PARP10: variants seen among roughly 807,000 people sequenced by gnomAD.
PARP10 encodes poly(ADP-ribose) polymerase family member 10, also known as protein mono-ADP-ribosyltransferase PARP10.
A neutral mutation model predicts 82.4 loss-of-function variants in PARP10; 56 were observed. The observed-to-expected ratio is 0.68, with a 90% CI of 0.55 to 0.85. PARP10 has a LOEUF of 0.85. Among genes scored for constraint, PARP10 ranks in the 40% least tolerant of loss-of-function variants. The pLI is 0.00. For synonymous variants in PARP10, 576 were observed against 601.1 expected, an observed-to-expected ratio of 0.96 and a Z score of 0.61; for missense variants, 1,227 against 1,379.4, an observed-to-expected ratio of 0.89 and a Z score of 1.75.
chr8:144,010,223 T>C (rs926325942), intron 1 of PARP10, among the ~76,000 whole-genome samples: 6 of 152,208 alleles, frequency 3.9e-5, no homozygotes, highest in Admixed American at 1.3e-4. Context: ...TCAGCATTTA[T>C]ATATGATCAT....
At chr8:143,994,521 A>C (rs999116926), upstream of PARP10, among the ~76,000 whole-genome samples, 1 of 152,176 alleles carries the variant, frequency 6.6e-6, no homozygotes, top group Admixed American at 6.5e-5. Context: ...GGGCCCTGCC[A>C]TCTGCCCACT....
chr8:143,999,930 T>C (rs1554751582), intron 1 of PARP10, among the ~76,000 whole-genome samples: 1 of 151,634 alleles, frequency 6.6e-6, no homozygotes, highest in African/African-American at 2.4e-5. Context: ...ATGTGGGGAG[T>C]AGGGTCACAA....
chr8:143,997,746 CA>C (rs1273321207), intron 1 of PARP10, among the ~76,000 whole-genome samples: 1 of 151,908 alleles, frequency 6.6e-6, no homozygotes, highest in Non-Finnish European at 1.5e-5. Flanking sequence ...CTGAAGCAAC[CA>C]ACTCCCACTC....
At chr8:144,005,840 ACCAGACAG>A (rs1834232580) in intron 1 of PARP10, among the ~76,000 whole-genome samples, 1 of 151,798 alleles carries the variant, frequency 6.6e-6, no homozygotes, top group South Asian at 2.1e-4. Context: ...ACCACTCCAT[ACCAGACAG>A]CCCCCTCCGC....
At chr8:143,979,966 C>T (rs564772211) in intron 9 of PARP10, among the ~76,000 whole-genome samples, 2 of 121,874 alleles carry the variant, frequency 1.6e-5, no homozygotes, top group African/African-American at 6.4e-5. Context: ...GAGCCGACAT[C>T]GTGCCACTGC....
At chr8:143,979,359 C>T (rs369216353) in intron 9 of PARP10, among the ~76,000 whole-genome samples, 15 of 152,198 alleles carry the variant, frequency 9.9e-5, no homozygotes, top group Non-Finnish European at 1.5e-4. Context: ...CTCTCATTAC[C>T]GACACCAGAT....
chr8:143,983,633 C>T lies in PARP10; in HGVS notation c.1956G>A (p.Glu652=). 6.2e-7 allele frequency: 1 copy of T among 1,605,872 alleles called. No individual in the cohort carries two copies. The highest frequency in any genetic ancestry group is 8.5e-7 in the Non-Finnish European group (1 of 1,176,196). ...GGAGGGCCAGCTGCAGAGCGGCCTC[C>T]TCCTCCAGCCACCTGGGTGCCACAG... ...PSTVAPRWLE[E]EAALQLALHR... is the part of the protein sequence containing the mutation. The change falls in exon 8 of 11, where the codon GAG becomes GAA. Residue 652 remains glutamate, a synonymous_variant. Transcript: ENST00000313028.
At chr8:144,010,532 CT>C (rs1834268808) in intron 1 of PARP10, among the ~76,000 whole-genome samples, 1 of 152,198 alleles carries the variant, frequency 6.6e-6, no homozygotes, top group Non-Finnish European at 1.5e-5. Context: ...ATGCTACAAT[CT>C]TCAGGCAGAA....
Position 143,985,121 on chromosome 8 carries a change from G to T in PARP10, c.881C>A (p.Thr294Lys). ...VTALQGAGTV[T>K]MGSGEEPGQS... is the part of the protein sequence containing the mutation. The stretch of plus-strand genomic sequence containing the variant: ...CCCTGGTTCCTCGCCAGAGCCCATT[G>T]TCACAGTCCCTGCACCCTGCAGAGC... The change falls in exon 5 of 11, where the codon ACA becomes AAA. Residue 294 changes from threonine to lysine, a missense_variant. Thr to Lys is a moderately conservative substitution (Grantham distance 78, BLOSUM62 -1). Coordinates refer to ENST00000313028, the MANE Select transcript of PARP10 (RefSeq NM_032789.5). 1.2e-6 allele frequency: 2 copies of T among 1,614,026 alleles called. No individual in the cohort carries two copies. The highest frequency in any genetic ancestry group is 1.7e-6 in the Non-Finnish European group (2 of 1,180,000).
At position 143,977,511 on chromosome 8, in the gene PARP10, C is replaced by T. The variant is rs782088037; in HGVS notation, c.3051G>A (p.Gly1017=). ...AAGTGTCTGGGGAGCGGCCCGGGAG[C>T]CCAGAGGGGTCGTCGGGGGAAGCGC... The part of the protein sequence containing the change: ...VPRASPDDPS[G]LPGRSPDT Residue 1017 remains glycine (G), a synonymous_variant, in exon 11 of 11, where the codon GGG becomes GGA. Transcript: ENST00000313028. 14 of 1,555,784 alleles carry T rather than the reference C, an allele frequency of 9.0e-6. No individual in the cohort carries two copies. In the East Asian group the frequency reaches 1.2e-4, roughly 13 times the overall value.
chr8:143,989,190 G>T (rs1337932096), upstream of PARP10, among the ~76,000 whole-genome samples: 8 of 152,244 alleles, frequency 5.3e-5, no homozygotes, highest in African/African-American at 1.9e-4. The surrounding 1 kb of genome is among the most constrained non-coding windows in gnomAD (Gnocchi z 4.3). Context: ...TGGGGTCTGG[G>T]CCCCGGGTGG....
chr8:143,983,009 TG>T lies in PARP10; in HGVS notation c.2478del (p.Asn826LysfsTer124). Reference protein sequence around the residue: ...PWNNLERLAENTGEFQEVVRA... With the variant: ...PWNNLERLAEXTGEFQEVVRA... ...CGCACCACCTCCTGGAACTCCCCGG[TG>T]TTCTCTGCCAGACGCTCCAGGTTGT... On this transcript the variant is annotated frameshift_variant, in exon 9 of 11. Coordinates refer to ENST00000313028, the MANE Select transcript of PARP10 (RefSeq NM_032789.5). LOFTEE classifies it high-confidence loss of function. 1 of 1,613,870 alleles carries T rather than the reference TG, an allele frequency of 6.2e-7. No individual in the cohort carries two copies. Among genetic ancestry groups the T allele is most frequent in the South Asian group, 1.1e-5 (1 of 91,086 alleles).
At chr8:143,993,043 G>A (rs1834127473), upstream of PARP10, 1 of 574,152 alleles carries the variant, frequency 1.7e-6, no homozygotes. Flanking sequence ...GGCCCCTTTA[G>A]TCCTCCCGCC....
At chr8:143,982,127 G>A (rs1833877574) in intron 9 of PARP10, among the ~76,000 whole-genome samples, 1 of 152,098 alleles carries the variant, frequency 6.6e-6, no homozygotes, top group South Asian at 2.1e-4. Flanking sequence ...CCTGGTGGAG[G>A]GTGATGCTGC....
Position 143,985,464 on chromosome 8 carries a change from C to A in PARP10, c.621G>T (p.Leu207=), listed in dbSNP as rs1554749073. 6.2e-7 allele frequency: 1 copy of A among 1,612,928 alleles called. No individual in the cohort carries two copies. Among genetic ancestry groups the A allele is most frequent in the East Asian group, 2.2e-5 (1 of 44,820 alleles). The stretch of plus-strand genomic sequence containing the variant: ...TGCCCAGGGGCCCGGGTAGGCGTTG[C>A]AGGTCCTCCAGGGGCCCCCCACCAC... The part of the protein sequence containing the change: ...RRSGGGPLED[L]QRLPGPLGTV... Residue 207 remains leucine (L), a synonymous_variant, in exon 4 of 11, where the codon CTG becomes CTT. Coordinates refer to ENST00000313028, the MANE Select transcript of PARP10 (RefSeq NM_032789.5).
intron 1 of PARP10, among the ~76,000 whole-genome samples, chr8:143,996,146 C>CACGG (rs1834163582): frequency 6.6e-6 from 1 of 152,206 alleles, no homozygotes; most frequent in African/African-American, 2.4e-5. Flanking sequence ...GATGAGCAGC[C>CACGG]ACGGGCGTGT....
upstream of PARP10, among the ~76,000 whole-genome samples, chr8:143,987,670 A>G (rs1564254963): frequency 6.6e-6 from 1 of 152,216 alleles, no homozygotes; most frequent in Non-Finnish European, 1.5e-5. Context: ...AGGCAGGTGG[A>G]TCACGAGGTC....
At chr8:143,996,066 C>G (rs1172404093), upstream of PARP10, among the ~76,000 whole-genome samples, 1 of 152,154 alleles carries the variant, frequency 6.6e-6, no homozygotes, top group Non-Finnish European at 1.5e-5. Flanking sequence ...ATTACTCAAG[C>G]CAAATCCTGT....
rs1554748932 is a variant in PARP10, at chr8:143,985,110, C to T, written c.892G>A (p.Gly298Ser). Residue 298 changes from glycine to serine, a missense_variant, in exon 5 of 11, where the codon GGC (glycine) becomes AGC (serine). Gly to Ser is a moderately conservative substitution (Grantham distance 56). Transcript: ENST00000313028. ...QGAGTVTMGS[G>S]EEPGQSGASL... ...GCCCCTGACTGCCCTGGTTCCTCGC[C>T]AGAGCCCATTGTCACAGTCCCTGCA... The T allele has an allele frequency of 4.3e-6, 7 of 1,614,050 alleles. No individual in the cohort carries two copies. The highest frequency in any genetic ancestry group is 1.1e-5 in the South Asian group (1 of 91,086).
Sources: allele counts gnomAD v4.1 joint callset (sites outside exome capture counted in the v4.1 genomes callset), GRCh38; gene constraint gnomAD v4.1.1; non-coding constraint Gnocchi (gnomAD v3.1); transcripts MANE v1.5; gene names NCBI Gene and HGNC (gene_info 2026-07-23, HGNC 2026-07-21).